Variants in ROBO1 observed in about 807,000 individuals in gnomAD.
ROBO1 encodes roundabout homolog 1.
Under a neutral mutation model 195.9 loss-of-function variants are expected in ROBO1, and 149 were observed. That is an observed-to-expected ratio of 0.76 (90% confidence interval 0.67 to 0.87). ROBO1 has a LOEUF of 0.87. Among genes scored for constraint, ROBO1 ranks in the 40% least tolerant of loss-of-function variants. ROBO1 has a pLI of 0.00. For synonymous variants in ROBO1, 816 were observed against 733.2 expected (o/e 1.11, Z -1.82); for missense variants, 1,933 against 2,068.3 (o/e 0.93, Z 1.27).
At chr3:78,940,007 A>G (rs547153982) in intron 3 of ROBO1, among the ~76,000 whole-genome samples, 7 of 152,146 alleles carry the variant, frequency 4.6e-5, no homozygotes. Context: ...ATGATGTTTC[A>G]TATTTTATAA....
chr3:79,655,719 G>A (rs1183143084), intron 1 of ROBO1, among the ~76,000 whole-genome samples: 2 of 151,966 alleles, frequency 1.3e-5, no homozygotes, highest in Non-Finnish European at 2.9e-5. Context: ...CAAAATATAA[G>A]TGTTGACAAA....
intron 1 of ROBO1, among the ~76,000 whole-genome samples, chr3:79,647,892 T>C (rs1480768393): frequency 6.6e-6 from 1 of 152,160 alleles, no homozygotes; most frequent in Non-Finnish European, 1.5e-5. Flanking sequence ...TACTTGTTTT[T>C]ATTAATCTTT....
At chr3:78,604,945 A>G (rs1703380659) in intron 29 of ROBO1, among the ~76,000 whole-genome samples, 1 of 152,116 alleles carries the variant, frequency 6.6e-6, no homozygotes, top group South Asian at 2.1e-4. Flanking sequence ...CAAATCCACA[A>G]TCCTAAAACA....
chr3:79,615,137 A>G (rs1423072679), intron 1 of ROBO1, among the ~76,000 whole-genome samples: 1 of 152,140 alleles, frequency 6.6e-6, no homozygotes, highest in East Asian at 1.9e-4. Flanking sequence ...CGACCGGTGT[A>G]ACATTAAAAC....
At position 78,600,245 on chromosome 3, in the gene ROBO1, G is replaced by A; in HGVS notation, c.4809C>T (p.Ser1603=). 6.2e-7 allele frequency: 1 copy of A among 1,613,404 alleles called. No homozygotes were observed. The highest frequency in any genetic ancestry group is 1.1e-5 in the South Asian group (1 of 91,074). The change falls in exon 30 of 31, where the codon TCC becomes TCT. Residue 1603 remains serine, a synonymous_variant. Transcript: ENST00000464233. ...ATCCTCTTGATGACATTGAGCTTGA[G>A]GAACTGGGATCTCTGGGATTATTTG... ...PTSNNPRDPS[S]SSSMSSRGSG...
At chr3:78,982,032 A>G (rs1176637459) in intron 3 of ROBO1, among the ~76,000 whole-genome samples, 3 of 152,098 alleles carry the variant, frequency 2.0e-5, no homozygotes, top group Non-Finnish European at 4.4e-5. Flanking sequence ...CAGCTCCCAG[A>G]GGTTACCTGG....
At chr3:78,870,024 A>G (rs2035453825) in intron 4 of ROBO1, among the ~76,000 whole-genome samples, 2 of 152,212 alleles carry the variant, frequency 1.3e-5, no homozygotes, top group East Asian at 3.9e-4. Context: ...GCCTTTCTAT[A>G]GCTTTTGGAA....
At chr3:78,646,625 A>G (rs937569054) in intron 20 of ROBO1, among the ~76,000 whole-genome samples, 1 of 149,496 alleles carries the variant, frequency 6.7e-6, no homozygotes. Context: ...AAAAACTACT[A>G]GATTATTTTC....
rs189448244 is a variant in ROBO1 at position 78,925,516 on chromosome 3, A to G, written c.499+13085T>C. On this transcript the variant is annotated intron_variant, in intron 4 of 30. Transcript: ENST00000464233. ...AATTTGTGCGCAATCACTCATTTCC[A>G]CTGTGGGAACAAAATGTAAATTGTA... Among the ~76,000 whole-genome samples the G allele has an allele frequency of 2.2e-3, 336 of 152,334 alleles. 3 individuals carry two copies. Among genetic ancestry groups the G allele is most frequent in the African/African-American group, 7.7e-3 (321 of 41,590 alleles).
intron 2 of ROBO1, among the ~76,000 whole-genome samples, chr3:79,496,272 C>T (rs887671123): frequency 1.4e-5 from 2 of 145,800 alleles, no homozygotes; most frequent in African/African-American, 2.5e-5. Flanking sequence ...CAGGTATATT[C>T]TTTCTATGTA....
chr3:79,556,293 T>C (rs1283464358), intron 2 of ROBO1, among the ~76,000 whole-genome samples: 3 of 152,248 alleles, frequency 2.0e-5, no homozygotes, highest in African/African-American at 7.2e-5. Flanking sequence ...AGTCTGCTGA[T>C]TTAAGAAATG....
rs1393427843 is a variant in ROBO1 at position 79,537,797 on chromosome 3, AC to A, written c.88+52026del. On this transcript the variant is annotated intron_variant, in intron 2 of 30. Coordinates refer to ENST00000464233, the MANE Select transcript of ROBO1 (RefSeq NM_002941.4). ...ACAGCTAATGCATGTGGGGCTTAAA[AC>A]CAGGTGATGGGTTGACAGGTGCAGC... Among the ~76,000 whole-genome samples the A allele has an allele frequency of 3.3e-5, 5 of 152,054 alleles. No homozygotes were observed. The East Asian group carries it at 9.7e-4, about 30-fold the overall frequency.
intron 2 of ROBO1, among the ~76,000 whole-genome samples, chr3:79,277,866 A>G (rs2031177900): frequency 6.6e-6 from 1 of 151,988 alleles, no homozygotes; most frequent in African/African-American, 2.4e-5. Context: ...TCCAAATTGA[A>G]AAAGAGGAAG....
intron 1 of ROBO1, among the ~76,000 whole-genome samples, chr3:79,699,875 T>C (rs1301048654): frequency 6.6e-6 from 1 of 151,640 alleles, no homozygotes; most frequent in African/African-American, 2.4e-5. Flanking sequence ...AGTGTATGTG[T>C]AGGTTTGTCA....
rs375308344 is a variant in ROBO1 at position 79,026,674 on chromosome 3, T to TTGC, written c.173-87750_173-87748dup. 5.8e-4 allele frequency among the ~76,000 whole-genome samples: 89 copies of TTGC among 152,170 alleles called. 1 individual carries two copies. The highest frequency in any genetic ancestry group is 2.1e-3 in the African/African-American group (86 of 41,580). On this transcript the variant is annotated intron_variant, in intron 3 of 30. Coordinates refer to ENST00000464233, the MANE Select transcript of ROBO1 (RefSeq NM_002941.4). ...ATAAATCTACATCTCACCATGGGAT[T>TTGC]TGCTATCTTTTGGTTTCTTACTTCC...
chr3:79,716,629 G>C (rs1224360738), intron 1 of ROBO1, among the ~76,000 whole-genome samples: 1 of 151,890 alleles, frequency 6.6e-6, no homozygotes, highest in East Asian at 1.9e-4. Context: ...TTCTGACAAT[G>C]GAAAATGTGA....
intron 3 of ROBO1, among the ~76,000 whole-genome samples, chr3:78,970,428 G>A (rs966407301): frequency 3.3e-5 from 5 of 152,008 alleles, no homozygotes; most frequent in Non-Finnish European, 7.4e-5. Flanking sequence ...TATCACAGGC[G>A]TCCAACCTTC....
intron 4 of ROBO1, among the ~76,000 whole-genome samples, chr3:78,783,966 T>G (rs2083756955): frequency 6.6e-6 from 1 of 152,114 alleles, no homozygotes; most frequent in Admixed American, 6.6e-5. Flanking sequence ...CTCTATGAAA[T>G]ATTAAGTGGC....
intron 4 of ROBO1, among the ~76,000 whole-genome samples, chr3:78,842,950 G>A (rs2033374472): frequency 6.6e-6 from 1 of 151,974 alleles, no homozygotes; most frequent in Non-Finnish European, 1.5e-5. Flanking sequence ...AGAGGGATTG[G>A]AAACCATATA....
Sources: gnomAD v4.1 joint callset for allele counts (sites outside exome capture counted in the v4.1 genomes callset) on GRCh38, gnomAD v4.1.1 for gene constraint, MANE v1.5 for transcripts, NCBI Gene and HGNC (gene_info 2026-07-23, HGNC 2026-07-21) for gene names.